The following SYNE1 variants were observed in gnomAD, a reference collection of about 807,000 sequenced individuals.
The protein encoded by SYNE1 is nesprin-1.
A neutral mutation model predicts 1,111.0 loss-of-function variants in SYNE1; 616 were observed. The observed-to-expected ratio is 0.55, with a 90% CI of 0.52 to 0.59. The LOEUF is 0.59. SYNE1 is among the 20% of genes least tolerant of loss of function. SYNE1 has a pLI of 0.00. For synonymous variants in SYNE1, 3,855 were observed against 3,825.8 expected (o/e 1.01, Z -0.28); for missense variants, 10,006 against 10,417.0 (o/e 0.96, Z 1.72).
intron 5 of SYNE1, among the ~76,000 whole-genome samples, chr6:152,525,792 A>G (rs1405216109): frequency 6.6e-6 from 1 of 152,206 alleles, no homozygotes; most frequent in Non-Finnish European, 1.5e-5. Context: ...CCGTATAGAT[A>G]CAATGGTTAA....
intron 137 of SYNE1, chr6:152,145,188 C>A: frequency 2.4e-6 from 1 of 418,570 alleles, no homozygotes; most frequent in Non-Finnish European, 4.5e-6. Flanking sequence ...GGCGCAGAGG[C>A]TGATGACTGG....
rs921857266 is a variant in SYNE1 at position 152,145,417 on chromosome 6, A to G, written c.24977-1652T>C. The G allele has an allele frequency of 4.3e-6, 6 of 1,411,284 alleles. No homozygotes were observed. The Admixed American group carries it at 1.0e-4, about 24-fold the overall frequency. 87.4% of individuals were successfully genotyped at this position (1,411,284 alleles called of 1,614,324 possible). On this transcript the variant is annotated intron_variant, in intron 137 of 145. Coordinates refer to ENST00000367255, the MANE Select transcript of SYNE1 (RefSeq NM_182961.4). ...GCCACAAAGCTGGGAGAGAGACAGC[A>G]GATGTGCTAAGAGAGGAGGATTGCT...
rs137982146 is a variant in SYNE1 at position 152,618,963 on chromosome 6, C to T, written c.67+9302G>A. 9.3e-3 allele frequency among the ~76,000 whole-genome samples: 1,418 copies of T among 152,076 alleles called. 25 individuals are homozygous for T. The highest frequency in any genetic ancestry group is 0.032 in the African/African-American group (1,315 of 41,478). On this transcript the variant is annotated intron_variant, in intron 3 of 145. Transcript: ENST00000367255. ...ATTAACTGAATACTTATGATTAACA[C>T]TGAATACTTATGATTAACAATTGCT...
At chr6:152,274,634 T>C (rs903436377) in intron 98 of SYNE1, among the ~76,000 whole-genome samples, 3 of 152,210 alleles carry the variant, frequency 2.0e-5, no homozygotes, top group African/African-American at 7.2e-5. Flanking sequence ...TTCACTCCTG[T>C]TGCCCAGGCT....
intron 115 of SYNE1, 127 bp from the exon 116 acceptor site, chr6:152,226,003 A>C: frequency 2.2e-6 from 2 of 913,358 alleles, no homozygotes; most frequent in Non-Finnish European, 3.3e-6. Context: ...TATCTCTTTC[A>C]GAAGAGGCAC....
chr6:152,506,616 A>C (rs1484198677), intron 8 of SYNE1, among the ~76,000 whole-genome samples: 1 of 151,964 alleles, frequency 6.6e-6, no homozygotes, highest in Non-Finnish European at 1.5e-5. Flanking sequence ...GTCTCGGCTC[A>C]CTGCAACCTC....
At position 152,323,363 on chromosome 6, in the gene SYNE1, C is replaced by T; in HGVS notation, c.15917+115G>A. Reference sequence around the variant, plus strand: ...CTGAGGCAGGAGAATGGCGTGAACCCGGGAGGCGGAGCTTGCAGTGAGCCG... The same window carrying T: ...CTGAGGCAGGAGAATGGCGTGAACCTGGGAGGCGGAGCTTGCAGTGAGCCG... On this transcript the variant is annotated intron_variant, in intron 82 of 145. Transcript: ENST00000367255. The T allele has an allele frequency of 2.7e-6, 4 of 1,477,424 alleles. No homozygotes were observed. The South Asian group carries it at 3.6e-5, about 13-fold the overall frequency. The allele number at this position is 1,477,424 out of a possible 1,614,324, so 91.5% of individuals were successfully genotyped here.
intron 4 of SYNE1, among the ~76,000 whole-genome samples, chr6:152,532,382 C>CA (rs1393626959): frequency 6.6e-6 from 1 of 152,140 alleles, no homozygotes; most frequent in Non-Finnish European, 1.5e-5. Flanking sequence ...GCTCTCAAAA[C>CA]ATTTTATCAT....
At position 152,455,973 on chromosome 6, in the gene SYNE1, T is replaced by C; in HGVS notation, c.2640A>G (p.Gln880=). 5 of 1,614,108 alleles carry C rather than the reference T, an allele frequency of 3.1e-6. No homozygotes were observed. The highest frequency in any genetic ancestry group is 4.2e-6 in the Non-Finnish European group (5 of 1,179,994). ...TLIEKGSQSV[Q]KFVTLSNVLK... Reference sequence around the variant, plus strand: ...ACACGTTGCTCAAGGTCACAAACTTTTGAACACTTTGACTGCCTTTCTCAA... The same window carrying C: ...ACACGTTGCTCAAGGTCACAAACTTCTGAACACTTTGACTGCCTTTCTCAA... Residue 880 remains glutamine (Q), a synonymous_variant, in exon 23 of 146, where the codon CAA becomes CAG. Transcript: ENST00000367255.
In SYNE1 at chr6:152,326,083, C is replaced by T. The variant is rs35493783; in HGVS notation, c.15313G>A (p.Asp5105Asn). The T allele has an allele frequency of 1.1e-3, 1,766 of 1,614,060 alleles. 12 individuals carry two copies. The African/African-American group carries it at 0.02, about 18-fold the overall frequency. Residue 5105 changes from aspartate (D) to asparagine (N), a missense_variant, in exon 80 of 146, where the codon GAT (aspartate) becomes AAT (asparagine). Around this residue, in one of 7 missense-constraint regions of SYNE1, gnomAD observed 4,955 missense variants for 5,017.2 expected, o/e 0.99. Transcript: ENST00000367255. The part of the protein sequence containing the change: ...LLQRCTAQWH[D>N]YQKAREEVIE... ...ACCTCTTCCCTTGCTTTCTGGTAAT[C>T]GTGCCATTGAGCTGTGCATCTTGAA...
At chr6:152,435,711 A>T (rs2098468020) in intron 33 of SYNE1, 1 of 587,248 alleles carries the variant, frequency 1.7e-6, no homozygotes, top group African/African-American at 1.9e-5. Flanking sequence ...CATGAACATG[A>T]TCAGTTTAAG....
chr6:152,453,457 T>G, intron 25 of SYNE1, 129 bp downstream of exon 25: 1 of 1,428,162 alleles, frequency 7.0e-7, no homozygotes, highest in African/African-American at 1.4e-5. Context: ...TTTTTGAGTT[T>G]TTAAATGAGC....
chr6:152,291,751 G>T (rs1350515688), intron 95 of SYNE1, among the ~76,000 whole-genome samples: 2 of 152,170 alleles, frequency 1.3e-5, no homozygotes, highest in Non-Finnish European at 2.9e-5. Flanking sequence ...AAGAATGGGG[G>T]CTTGAACAAA....
At position 152,367,252 on chromosome 6, in the gene SYNE1, T is replaced by C. The variant is rs1221405952; in HGVS notation, c.9938A>G (p.Lys3313Arg). 1.2e-6 allele frequency: 2 copies of C among 1,614,234 alleles called. No individual in the cohort carries two copies. Among genetic ancestry groups the C allele is most frequent in the Non-Finnish European group, 8.5e-7 (1 of 1,180,036 alleles). ...GAGCGTCCTGCTGTCCAGCACACTTTTGTCGGATGTCGGGTGGCAGTATGA... is the reference window on the plus strand; with the variant it reads ...GAGCGTCCTGCTGTCCAGCACACTTCTGTCGGATGTCGGGTGGCAGTATGA... ...LDSYCHPTSDKSVLDSRTLKL... is the reference protein window; with the variant it reads ...LDSYCHPTSDRSVLDSRTLKL... Residue 3313 changes from lysine to arginine, a missense_variant, in exon 62 of 146, where the codon AAA becomes AGA. Coordinates refer to ENST00000367255, the MANE Select transcript of SYNE1 (RefSeq NM_182961.4).
intron 98 of SYNE1, among the ~76,000 whole-genome samples, chr6:152,272,595 C>T (rs1200794140): frequency 6.6e-6 from 1 of 152,182 alleles, no homozygotes; most frequent in East Asian, 1.9e-4. Flanking sequence ...GATCTTACTA[C>T]ATGCCCTTAA....
intron 54 of SYNE1, among the ~76,000 whole-genome samples, chr6:152,386,804 A>G (rs903219299): frequency 6.6e-5 from 10 of 152,136 alleles, no homozygotes; most frequent in Non-Finnish European, 1.0e-4. Context: ...TTAACTAAAA[A>G]AGCGGAGAAA....
chr6:152,164,033 C>A, intron 131 of SYNE1, 130 bp downstream of exon 131: 1 of 1,269,262 alleles, frequency 7.9e-7, no homozygotes, highest in Non-Finnish European at 1.1e-6. Flanking sequence ...AAGCCCCCTT[C>A]CTCACCAGTC....
chr6:152,387,246 G>A lies in SYNE1; in HGVS notation c.8313C>T (p.Val2771=). 6.2e-7 allele frequency: 1 copy of A among 1,614,154 alleles called. No individual in the cohort carries two copies. Among genetic ancestry groups the A allele is most frequent in the Non-Finnish European group, 8.5e-7 (1 of 1,180,018 alleles). Residue 2771 remains valine (V), a synonymous_variant, in exon 54 of 146, where the codon GTC becomes GTT. Transcript: ENST00000367255. The part of the protein sequence containing the change: ...QPQPGLKEKF[V]LLDHLQSILS... ...GGATGGACTGGAGGTGGTCAAGCAG[G>A]ACGAACTTCTCTTTCAGACCTGGCT...
rs1342235965 is a variant in SYNE1, at chr6:152,297,919, C to A, written c.17682+2722G>T. ...GTCACCTTTTATAGATGAATAATTTCTATTTATTTGAGGTACATACATAAA... is the reference window on the plus strand; with the variant it reads ...GTCACCTTTTATAGATGAATAATTTATATTTATTTGAGGTACATACATAAA... On this transcript the variant is annotated intron_variant, in intron 93 of 145. Transcript: ENST00000367255. Among the ~76,000 whole-genome samples, 3 of 151,898 alleles carry A rather than the reference C, an allele frequency of 2.0e-5. No homozygotes were observed. The East Asian group carries it at 5.8e-4, about 29-fold the overall frequency.
Sources: gnomAD v4.1 joint callset for allele counts (sites outside exome capture counted in the v4.1 genomes callset) on GRCh38, gnomAD v4.1.1 for gene constraint, gnomAD v4.1.1 regional missense constraint, MANE v1.5 for transcripts, NCBI Gene and HGNC (gene_info 2026-07-23, HGNC 2026-07-21) for gene names.